Variants in HMGCLL1 observed in about 807,000 individuals in gnomAD.
HMGCLL1 encodes 3-hydroxy-3-methylglutaryl-CoA lyase like 1, also known as 3-hydroxymethyl-3-methylglutaryl-CoA lyase, cytoplasmic.
Under a neutral mutation model 39.1 loss-of-function variants are expected in HMGCLL1, and 36 were observed. The observed-to-expected ratio is 0.92, with a 90% CI of 0.71 to 1.22. HMGCLL1 has a LOEUF of 1.22. HMGCLL1 is among the 50% of genes most tolerant of loss of function. The pLI, the probability that HMGCLL1 is intolerant of heterozygous loss-of-function variation, is 0.00. For missense variants in HMGCLL1, 451 were observed against 416.5 expected, an observed-to-expected ratio of 1.08 and a Z score of -0.72; for synonymous variants, 149 against 144.0, an observed-to-expected ratio of 1.03 and a Z score of -0.25.
the HMGCLL1 span, among the ~76,000 whole-genome samples, chr6:55,596,089 C>T: frequency 6.6e-6 from 1 of 152,108 alleles, no homozygotes; most frequent in Non-Finnish European, 1.5e-5. Flanking sequence ...CTTTGGGAGG[C>T]CAAGAGGGGT....
the HMGCLL1 span, among the ~76,000 whole-genome samples, chr6:55,635,033 A>G: frequency 6.6e-6 from 1 of 152,098 alleles, no homozygotes; most frequent in South Asian, 2.1e-4. Context: ...GGATGTGCCT[A>G]TAAACTGAAA....
intron 3 of HMGCLL1, among the ~76,000 whole-genome samples, chr6:55,518,852 C>T (rs1767886632): frequency 6.6e-6 from 1 of 152,108 alleles, no homozygotes. Flanking sequence ...AACCTGTCCC[C>T]CATGTCCTGT....
chr6:55,495,281 G>C, intron 7 of HMGCLL1, 138 bp downstream of exon 7: 1 of 635,638 alleles, frequency 1.6e-6, no homozygotes, highest in South Asian at 2.6e-5. Context: ...CCAAGTGCCT[G>C]TCATGTACAG....
At chr6:55,514,013 T>C in intron 5 of HMGCLL1, 35 bp downstream of exon 5, 1 of 1,593,524 alleles carries the variant, frequency 6.3e-7, no homozygotes. Flanking sequence ...ACAATAAACA[T>C]TAACAAAACA....
chr6:55,648,123 T>C, the HMGCLL1 span, among the ~76,000 whole-genome samples: 1 of 133,776 alleles, frequency 7.5e-6, no homozygotes, highest in Non-Finnish European at 1.6e-5. Flanking sequence ...GGCTGCATAG[T>C]ATTCCATGGT....
Position 55,579,014 on chromosome 6 carries a change from G to T in HMGCLL1, c.42C>A (p.Tyr14Ter). ...AGAGATGCTCCCGGAGAAGCTGCTG[G>T]TAGCTGAGGCAGTGCTTCACCGCGG... Reference protein sequence around the residue: ...VPSAVKHCLSYQQLLREHLWI... With the variant: ...VPSAVKHCLS Residue 14 changes from tyrosine to a stop codon, truncating the protein, a stop_gained, in exon 1 of 9, where the codon TAC (tyrosine) becomes TAA (stop). Coordinates refer to ENST00000274901, the MANE Select transcript of HMGCLL1 (RefSeq NM_001042406.2). LOFTEE classifies it high-confidence loss of function. 6.2e-7 allele frequency: 1 copy of T among 1,613,664 alleles called. No homozygotes were observed. Among genetic ancestry groups the T allele is most frequent in the Non-Finnish European group, 8.5e-7 (1 of 1,179,838 alleles).
the HMGCLL1 span, among the ~76,000 whole-genome samples, chr6:55,678,189 T>C: frequency 0.094 from 14,256 of 152,154 alleles, 769 homozygotes; most frequent in East Asian, 0.17. Flanking sequence ...TGAGGTCATA[T>C]TAAGTAGGAA....
chr6:55,438,889 G>A (rs1167070016), intron 8 of HMGCLL1, among the ~76,000 whole-genome samples: 8 of 152,052 alleles, frequency 5.3e-5, no homozygotes. Context: ...GAATTTGGTG[G>A]ATGTGGTTAC....
chr6:55,607,366 T>G, the HMGCLL1 span, among the ~76,000 whole-genome samples: 1 of 152,184 alleles, frequency 6.6e-6, no homozygotes, highest in South Asian at 2.1e-4. Context: ...TCATTTAAAG[T>G]GCAAAAGAAG....
chr6:55,653,155 A>C, the HMGCLL1 span, among the ~76,000 whole-genome samples: 2 of 152,062 alleles, frequency 1.3e-5, no homozygotes, highest in Non-Finnish European at 2.9e-5. Context: ...AGAAACAAAA[A>C]ACCGGCTTTC....
At chr6:55,577,274 CAG>C in intron 1 of HMGCLL1, 1 of 1,399,222 alleles carries the variant, frequency 7.1e-7, no homozygotes, top group Non-Finnish European at 9.6e-7. Context: ...GGAACTAAAA[CAG>C]AATTATTTTT....
At chr6:55,616,980 A>C in the HMGCLL1 span, among the ~76,000 whole-genome samples, 3 of 152,128 alleles carry the variant, frequency 2.0e-5, no homozygotes, top group African/African-American at 4.8e-5. Context: ...AATTCAAAAA[A>C]TCTGCCAGAT....
At chr6:55,487,875 T>C (rs1766119785) in intron 7 of HMGCLL1, among the ~76,000 whole-genome samples, 1 of 152,076 alleles carries the variant, frequency 6.6e-6, no homozygotes, top group South Asian at 2.1e-4. Flanking sequence ...CACCCCAGGT[T>C]TGCTTCCAAG....
In HMGCLL1 at chr6:55,560,506, C is replaced by T. The variant is rs552490172; in HGVS notation, c.109-18366G>A. On this transcript the variant is annotated intron_variant, in intron 1 of 8. Coordinates refer to ENST00000274901, the MANE Select transcript of HMGCLL1 (RefSeq NM_001042406.2). ...GTTCAGCTGTGATCTGTAGTTCATT[C>T]TGTTAAGTCTTTTCCATAATCCCTC... 3.3e-5 allele frequency among the ~76,000 whole-genome samples: 5 copies of T among 152,258 alleles called. No homozygotes were observed. The South Asian group carries it at 1.0e-3, about 32-fold the overall frequency.
At chr6:55,659,559 G>A in the HMGCLL1 span, among the ~76,000 whole-genome samples, 344 of 151,962 alleles carry the variant, frequency 2.3e-3, 4 homozygotes, top group Middle Eastern at 6.8e-3. Flanking sequence ...TTAGAAGAGG[G>A]TGATTTTTCC....
At chr6:55,466,869 C>T (rs1764816892) in intron 7 of HMGCLL1, among the ~76,000 whole-genome samples, 1 of 152,082 alleles carries the variant, frequency 6.6e-6, no homozygotes, top group Non-Finnish European at 1.5e-5. Context: ...CTCTTGTGGT[C>T]CTCCATCACC....
At chr6:55,637,711 G>T in the HMGCLL1 span, among the ~76,000 whole-genome samples, 1 of 53,728 alleles carries the variant, frequency 1.9e-5, no homozygotes, top group Non-Finnish European at 3.6e-5. Context: ...TCTATAATTT[G>T]ATATGTGTGT....
intron 7 of HMGCLL1, among the ~76,000 whole-genome samples, chr6:55,464,908 C>A (rs993946706): frequency 6.6e-6 from 1 of 152,104 alleles, no homozygotes; most frequent in Non-Finnish European, 1.5e-5. Context: ...CTCCTTTACT[C>A]CTCTTTTTGA....
intron 7 of HMGCLL1, among the ~76,000 whole-genome samples, chr6:55,477,365 A>C (rs1384467686): frequency 1.9e-4 from 7 of 36,278 alleles, no homozygotes; most frequent in Non-Finnish European, 2.7e-4. Context: ...TATATATTAT[A>C]TTAATATAAT....
Sources: allele counts gnomAD v4.1 joint callset (sites outside exome capture counted in the v4.1 genomes callset), GRCh38; gene constraint gnomAD v4.1.1; transcripts MANE v1.5; gene names NCBI Gene and HGNC (gene_info 2026-07-23, HGNC 2026-07-21).